CHD2: variants seen among roughly 807,000 people sequenced by gnomAD.
CHD2 encodes chromodomain helicase DNA binding protein 2.
CHD2 carries 28 observed loss-of-function variants against 243.9 expected under a neutral mutation model. That is an observed-to-expected ratio of 0.11 (90% CI 0.09 to 0.16). The LOEUF (loss-of-function observed/expected upper bound fraction) is 0.16. Among genes scored for constraint, CHD2 ranks in the 10% least tolerant of loss-of-function variants. CHD2 has a pLI of 1.00. For missense variants in CHD2, 1,386 were observed against 2,209.8 expected, an observed-to-expected ratio of 0.63 and a Z score of 7.47; for synonymous variants, 775 against 779.0, an observed-to-expected ratio of 0.99 and a Z score of 0.09.
chr15:92,945,377 T>TC (rs2053446601), intron 10 of CHD2: 1 of 139,788 alleles, frequency 7.2e-6, no homozygotes, highest in African/African-American at 2.6e-5. Context: ...AAAGAATTTT[T>TC]TTCTTCTTCT....
chr15:92,958,672 T>C (rs549746229), intron 16 of CHD2, among the ~76,000 whole-genome samples: 1 of 152,224 alleles, frequency 6.6e-6, no homozygotes, highest in African/African-American at 2.4e-5. Context: ...TTCTATAGTT[T>C]GATGTAAAAT....
intron 16 of CHD2, among the ~76,000 whole-genome samples, chr15:92,961,419 G>A (rs2053685629): frequency 6.6e-6 from 1 of 152,024 alleles, no homozygotes; most frequent in Non-Finnish European, 1.5e-5. Flanking sequence ...TCTTTTTTAA[G>A]AGACATGGTC....
At position 93,014,727 on chromosome 15, in the gene CHD2, G is replaced by C. The variant is rs746506782; in HGVS notation, c.4724G>C (p.Gly1575Ala). 1.8e-5 allele frequency: 29 copies of C among 1,613,974 alleles called. No homozygotes were observed. In the South Asian group the frequency reaches 2.4e-4, roughly 13 times the overall value. The change falls in exon 37 of 39, where the codon GGT becomes GCT. Residue 1575 changes from glycine (G) to alanine (A), a missense_variant. Transcript: ENST00000394196. ...AAGAAGAAAGACGACGTGACTGGGG[G>C]TAAGAAACCATTTCGTCCAGAGGCC... is the stretch of plus-strand genomic sequence containing the variant. ...EQKKKDDVTG[G>A]KKPFRPEASG... is the part of the protein sequence containing the mutation.
chr15:92,956,055 A>G (rs1359255029), intron 15 of CHD2, among the ~76,000 whole-genome samples: 2 of 152,232 alleles, frequency 1.3e-5, no homozygotes, highest in Non-Finnish European at 2.9e-5. Context: ...TTAAGTGCAA[A>G]CAAGTTGAGT....
At chr15:92,925,557 G>GCAAATAACTGGGATTTGCC (rs1188121704) in intron 3 of CHD2, among the ~76,000 whole-genome samples, 1 of 152,202 alleles carries the variant, frequency 6.6e-6, no homozygotes, top group Non-Finnish European at 1.5e-5. Flanking sequence ...GTTAATAAGG[G>GCAAATAACTGGGATTTGCC]CTCCATAAAA....
At chr15:93,014,038 A>G (rs2054427899) in intron 36 of CHD2, among the ~76,000 whole-genome samples, 1 of 152,088 alleles carries the variant, frequency 6.6e-6, no homozygotes. Context: ...AATATTGTAG[A>G]AATAAGTATT....
intron 10 of CHD2, 94 bp downstream of exon 10, chr15:92,944,609 G>A (rs969826350): frequency 1.3e-5 from 7 of 558,370 alleles, no homozygotes; most frequent in Non-Finnish European, 1.9e-5. Context: ...AATGCACTTT[G>A]GAGACTAGAC....
At chr15:92,920,342 TATTG>T (rs541951043) in intron 2 of CHD2, among the ~76,000 whole-genome samples, 21 of 152,322 alleles carry the variant, frequency 1.4e-4, no homozygotes, top group South Asian at 6.2e-4. Context: ...ATTTGCAACT[TATTG>T]ATTAAGTGAA....
In CHD2 at chr15:92,979,712, A is replaced by G. The variant is rs370590403; in HGVS notation, c.2876+429A>G. 4.6e-5 allele frequency among the ~76,000 whole-genome samples: 7 copies of G among 151,846 alleles called. No individual in the cohort carries two copies. The East Asian group carries it at 9.7e-4, about 21-fold the overall frequency. ...TTCCAGAAGGGTGTAAAAAGAAAGT[A>G]ATGAAGTTTTAATTGGCTTTGGGAA... On this transcript the variant is annotated intron_variant, in intron 22 of 38. Coordinates refer to ENST00000394196, the MANE Select transcript of CHD2 (RefSeq NM_001271.4).
chr15:93,002,158 G>T lies in CHD2; in HGVS notation c.4138-19G>T, dbSNP rs769152372. 84 of 1,576,672 alleles carry T rather than the reference G, an allele frequency of 5.3e-5. No homozygotes were observed. The highest frequency in any genetic ancestry group is 7.0e-5 in the Non-Finnish European group (82 of 1,170,214). On this transcript the variant is annotated intron_variant, in intron 32 of 38. Coordinates refer to ENST00000394196, the MANE Select transcript of CHD2 (RefSeq NM_001271.4). ...ATAAAATTTGTAGCAAAAATTCATA[G>T]CCCTGTTTTGTTTCCTAGGATGATG...
intron 17 of CHD2, 50 bp from the exon 18 acceptor site, chr15:92,971,715 A>G (rs781114225): frequency 2.6e-6 from 4 of 1,546,354 alleles, no homozygotes; most frequent in African/African-American, 1.4e-5. Flanking sequence ...GGTACCTACA[A>G]CTTTCTGTTT....
chr15:92,989,086 C>A (rs2054083699), intron 26 of CHD2, among the ~76,000 whole-genome samples: 1 of 132,382 alleles, frequency 7.6e-6, no homozygotes, highest in Admixed American at 9.2e-5. Flanking sequence ...GGCTGGAGTG[C>A]AATGGCGCGA....
At chr15:93,020,372 A>G (rs756552863) in intron 38 of CHD2, 114 bp downstream of exon 38, 9 of 1,335,370 alleles carry the variant, frequency 6.7e-6, no homozygotes, top group Non-Finnish European at 9.5e-6. Flanking sequence ...AGATCTCATC[A>G]TGCATGTGTC....
At chr15:92,968,771 C>T (rs2053801030) in intron 17 of CHD2, among the ~76,000 whole-genome samples, 1 of 152,220 alleles carries the variant, frequency 6.6e-6, no homozygotes, top group African/African-American at 2.4e-5. Flanking sequence ...TGATTATGAA[C>T]TCATCAATTA....
intron 37 of CHD2, among the ~76,000 whole-genome samples, chr15:93,018,525 T>C (rs2054490834): frequency 2.6e-5 from 4 of 152,276 alleles, no homozygotes; most frequent in Non-Finnish European, 5.9e-5. Context: ...GTTAGTCCTC[T>C]GTATTAGTTT....
intron 17 of CHD2, among the ~76,000 whole-genome samples, chr15:92,969,744 A>G (rs1357631780): frequency 6.6e-6 from 1 of 152,032 alleles, no homozygotes; most frequent in African/African-American, 2.4e-5. Flanking sequence ...AAGCTAATTC[A>G]TTCTATACAT....
rs775951423 is a variant in CHD2 at position 92,997,117 on chromosome 15, G to A, written c.3734+22G>A. The A allele has an allele frequency of 6.2e-7, 1 of 1,606,976 alleles. No individual in the cohort carries two copies. Among genetic ancestry groups the A allele is most frequent in the East Asian group, 2.2e-5 (1 of 44,842 alleles). ...AAAAGTGAGTATATTTTGTGTACAT[G>A]CTTAGATGGTCGTACCGTAAGAAAA... On this transcript the variant is annotated intron_variant, in intron 29 of 38. Transcript: ENST00000394196. This position sits in a 1 kb window ranked among gnomAD's most constrained non-coding sequence, Gnocchi z 4.1.
intron 2 of CHD2, 23 bp downstream of exon 2, chr15:92,901,322 C>A: frequency 6.6e-7 from 1 of 1,506,648 alleles, no homozygotes. Context: ...AACTTTCTTC[C>A]TTTTTGTCTT....
At chr15:92,989,122 C>T (rs1012925036) in intron 26 of CHD2, among the ~76,000 whole-genome samples, 3 of 149,336 alleles carry the variant, frequency 2.0e-5, no homozygotes, top group Non-Finnish European at 4.4e-5. Context: ...ACCTCCGCCT[C>T]CTGGGTTCAA....
Sources: allele counts gnomAD v4.1 joint callset (sites outside exome capture counted in the v4.1 genomes callset), GRCh38; gene constraint gnomAD v4.1.1; non-coding constraint Gnocchi (gnomAD v3.1); transcripts MANE v1.5; gene names NCBI Gene and HGNC (gene_info 2026-07-23, HGNC 2026-07-21).